Variants in ATXN1 observed in about 807,000 individuals in gnomAD.
ATXN1 encodes the protein ataxin 1.
ATXN1 carries 8 observed loss-of-function variants against 56.4 expected under a neutral mutation model. The observed-to-expected ratio is 0.14, with a 90% CI of 0.08 to 0.26. The LOEUF (loss-of-function observed/expected upper bound fraction) is 0.26. Ranked by LOEUF, ATXN1 falls within the 10% of genes least tolerant of loss-of-function variation. The probability of loss-of-function intolerance (pLI) is 1.00; values close to 1 mark genes in which losing one functional copy is unlikely to be tolerated. For missense variants in ATXN1, 987 were observed against 1,106.5 expected (o/e 0.89, Z 1.53); for synonymous variants, 514 against 494.6 (o/e 1.04, Z -0.52).
At chr6:16,347,904 G>A (rs998912466) in intron 6 of ATXN1, among the ~76,000 whole-genome samples, 12 of 152,182 alleles carry the variant, frequency 7.9e-5, no homozygotes, top group African/African-American at 2.7e-4. Flanking sequence ...AATAAATCTT[G>A]CTGCTGCTGT....
intron 5 of ATXN1, among the ~76,000 whole-genome samples, chr6:16,519,010 C>A (rs1317630450): frequency 1.3e-5 from 2 of 152,082 alleles, no homozygotes. Context: ...CTTTGAAGAA[C>A]TGAACAACAT....
intron 2 of ATXN1, among the ~76,000 whole-genome samples, chr6:16,673,635 T>C (rs780980939): frequency 2.0e-5 from 3 of 152,168 alleles, no homozygotes; most frequent in Non-Finnish European, 2.9e-5. Context: ...GATTGATTGA[T>C]TGATTTTTAA....
chr6:16,741,568 G>C (rs901943941), intron 2 of ATXN1, among the ~76,000 whole-genome samples: 17 of 152,166 alleles, frequency 1.1e-4, no homozygotes, highest in African/African-American at 4.1e-4. Flanking sequence ...TGCGATTTCA[G>C]GTCACCGAAT....
At chr6:16,395,022 T>C (rs1758423259) in intron 6 of ATXN1, among the ~76,000 whole-genome samples, 1 of 151,978 alleles carries the variant, frequency 6.6e-6, no homozygotes, top group Non-Finnish European at 1.5e-5. Context: ...TAATAAATTA[T>C]ATTAAAAACT....
chr6:16,314,199 G>C (rs925231749), intron 7 of ATXN1, among the ~76,000 whole-genome samples: 10 of 136,902 alleles, frequency 7.3e-5, no homozygotes, highest in African/African-American at 2.7e-4. Flanking sequence ...AGTAAAATAA[G>C]GTTTTTTTCC....
Position 16,310,734 on chromosome 6 carries a change from G to A in ATXN1, c.1918-3875C>T, listed in dbSNP as rs560456801. Among the ~76,000 whole-genome samples, 12 of 152,228 alleles carry A rather than the reference G, an allele frequency of 7.9e-5. No homozygotes were observed. The South Asian group carries it at 8.3e-4, about 11-fold the overall frequency. On this transcript the variant is annotated intron_variant, in intron 7 of 7. Coordinates refer to ENST00000436367, the MANE Select transcript of ATXN1 (RefSeq NM_001128164.2). ...GATATCCTGACCTCATGATCCACCC[G>A]CCTCAGTCTCCCAAAGTGCTGGGAT... is the stretch of plus-strand genomic sequence containing the variant.
intron 6 of ATXN1, among the ~76,000 whole-genome samples, chr6:16,482,877 G>C (rs569583259): frequency 6.6e-6 from 1 of 152,178 alleles, no homozygotes; most frequent in East Asian, 1.9e-4. Flanking sequence ...TGATTTTTAG[G>C]AACCCAAGAA....
chr6:16,436,610 C>T (rs973983856), intron 6 of ATXN1, among the ~76,000 whole-genome samples: 2 of 151,726 alleles, frequency 1.3e-5, no homozygotes, highest in African/African-American at 4.8e-5. Flanking sequence ...ACAGAAAGAA[C>T]AGAAGGTACC....
chr6:16,422,502 A>T (rs1404391284), intron 6 of ATXN1, among the ~76,000 whole-genome samples: 1 of 152,120 alleles, frequency 6.6e-6, no homozygotes, highest in Admixed American at 6.5e-5. Flanking sequence ...GGAGAGAGAG[A>T]CTTGGAAAAG....
At chr6:16,515,692 G>T (rs1487606140) in intron 5 of ATXN1, among the ~76,000 whole-genome samples, 1 of 152,114 alleles carries the variant, frequency 6.6e-6, no homozygotes, top group Non-Finnish European at 1.5e-5. Context: ...ATGTTAGATT[G>T]CTGTGTTTTC....
chr6:16,395,351 G>C (rs574777998), intron 6 of ATXN1, among the ~76,000 whole-genome samples: 2 of 149,010 alleles, frequency 1.3e-5, no homozygotes, highest in African/African-American at 5.0e-5. Flanking sequence ...ACTATTATCT[G>C]TATGACTGAG....
In ATXN1 at chr6:16,592,445, A is replaced by C. The variant is rs192661490; in HGVS notation, c.-488-6538T>G. The stretch of plus-strand genomic sequence containing the variant: ...TCAGAAGACCACGTGTTGCTCAGAA[A>C]AGAAAGGTGGGCACCAAAAGAACAG... On this transcript the variant is annotated intron_variant, in intron 3 of 7. Coordinates refer to ENST00000436367, the MANE Select transcript of ATXN1 (RefSeq NM_001128164.2). Among the ~76,000 whole-genome samples the C allele has an allele frequency of 9.2e-4, 140 of 152,238 alleles. 1 individual carries two copies. The highest frequency in any genetic ancestry group is 3.3e-3 in the African/African-American group (136 of 41,522).
At chr6:16,488,108 A>G (rs533366748) in intron 5 of ATXN1, among the ~76,000 whole-genome samples, 1 of 152,282 alleles carries the variant, frequency 6.6e-6, no homozygotes, top group East Asian at 1.9e-4. Flanking sequence ...CTTCTCTGTG[A>G]TTAATTTCGG....
intron 1 of ATXN1, among the ~76,000 whole-genome samples, chr6:16,756,012 A>C (rs913401788): frequency 2.0e-5 from 3 of 152,168 alleles, no homozygotes; most frequent in African/African-American, 7.2e-5. Context: ...TGTTCTCTCT[A>C]AACGTGTTTT....
intron 3 of ATXN1, among the ~76,000 whole-genome samples, chr6:16,609,580 A>G (rs1440687711): frequency 6.6e-6 from 1 of 152,224 alleles, no homozygotes; most frequent in African/African-American, 2.4e-5. Context: ...GTACATTTTT[A>G]AGAACAAAGC....
At chr6:16,627,412 A>C (rs1165091054) in intron 3 of ATXN1, among the ~76,000 whole-genome samples, 3 of 152,092 alleles carry the variant, frequency 2.0e-5, no homozygotes, top group African/African-American at 7.2e-5. Context: ...CATTTCATAC[A>C]TATCACCCAA....
At chr6:16,457,852 C>T (rs998099358) in intron 6 of ATXN1, among the ~76,000 whole-genome samples, 1 of 152,202 alleles carries the variant, frequency 6.6e-6, no homozygotes, top group African/African-American at 2.4e-5. Flanking sequence ...CAAAGGACCA[C>T]CAAACCCCTC....
chr6:16,322,645 G>A (rs1215871944), intron 7 of ATXN1, among the ~76,000 whole-genome samples: 1 of 152,180 alleles, frequency 6.6e-6, no homozygotes, highest in Non-Finnish European at 1.5e-5. Flanking sequence ...CAGGCTAGGG[G>A]AGAAAACCCC....
At chr6:16,656,981 C>T (rs1275710206) in intron 3 of ATXN1, among the ~76,000 whole-genome samples, 11 of 120,390 alleles carry the variant, frequency 9.1e-5, no homozygotes, top group African/African-American at 3.2e-4. Flanking sequence ...GTATTATAAT[C>T]TTTTTTTTTT....
Sources: allele counts gnomAD v4.1 joint callset (sites outside exome capture counted in the v4.1 genomes callset), GRCh38; gene constraint gnomAD v4.1.1; transcripts MANE v1.5; gene names NCBI Gene and HGNC (gene_info 2026-07-23, HGNC 2026-07-21).